The following KPNB1 variants were observed in gnomAD, a reference collection of about 807,000 sequenced individuals.
The protein encoded by KPNB1 is importin subunit beta-1.
Under a neutral mutation model 113.0 loss-of-function variants are expected in KPNB1, and 7 were observed. The observed-to-expected ratio is 0.06, with a 90% CI of 0.04 to 0.12. The LOEUF is 0.12. Ranked by LOEUF, KPNB1 falls within the 10% of genes least tolerant of loss-of-function variation. The pLI is 1.00. For synonymous variants in KPNB1, 363 were observed against 378.6 expected, an observed-to-expected ratio of 0.96 and a Z score of 0.48; for missense variants, 400 against 1,054.8, an observed-to-expected ratio of 0.38 and a Z score of 8.60.
Position 47,664,023 on chromosome 17 carries a change from A to G in KPNB1, c.787-136A>G, listed in dbSNP as rs186179188. On this transcript the variant is annotated intron_variant, in intron 7 of 21. Transcript: ENST00000290158. ...AAGAAAAGAAAATCTTTCTTTTCCT[A>G]TCTTTTCTTTCAAGCCTAGCTTCCT... 8.3e-4 allele frequency: 493 copies of G among 591,018 alleles called. 2 individuals carry two copies. In the African/African-American group the frequency reaches 8.9e-3, roughly 11 times the overall value. The allele number at this position is 591,018 out of a possible 1,614,324, so 36.6% of individuals were successfully genotyped here.
intron 19 of KPNB1, among the ~76,000 whole-genome samples, chr17:47,678,914 A>ATTTAT (rs1469638902): frequency 6.7e-6 from 1 of 148,862 alleles, no homozygotes; most frequent in Non-Finnish European, 1.5e-5. Context: ...AGCCTTTTAA[A>ATTTAT]TTTATTTTAT....
intron 10 of KPNB1, among the ~76,000 whole-genome samples, chr17:47,669,091 C>CTT (rs58910821): frequency 2.5e-4 from 37 of 147,922 alleles, no homozygotes; most frequent in South Asian, 2.1e-3. Context: ...CTGAGTAATT[C>CTT]TTTTTTTTTT....
chr17:47,663,300 G>A lies in KPNB1; in HGVS notation c.786+122G>A, dbSNP rs1046078927. Reference sequence around the variant, plus strand: ...TACTATGGAATCAAGGAAATTCCTCGAGACTGTTCGGTTTAAGCTCATCAG... The same window carrying A: ...TACTATGGAATCAAGGAAATTCCTCAAGACTGTTCGGTTTAAGCTCATCAG... On this transcript the variant is annotated intron_variant, in intron 7 of 21. Coordinates refer to ENST00000290158, the MANE Select transcript of KPNB1 (RefSeq NM_002265.6). The A allele has an allele frequency of 1.1e-4, 70 of 637,708 alleles. No homozygotes were observed. The Admixed American group carries it at 1.5e-3, about 13-fold the overall frequency. 39.5% of individuals were successfully genotyped at this position (637,708 alleles called of 1,614,324 possible).
At chr17:47,675,372 G>A (rs77142415) in intron 15 of KPNB1, among the ~76,000 whole-genome samples, 1 of 86,076 alleles carries the variant, frequency 1.2e-5, no homozygotes, top group Non-Finnish European at 2.2e-5. Context: ...TTTTTTTTTT[G>A]TTTTTTTTTT....
intron 5 of KPNB1, among the ~76,000 whole-genome samples, chr17:47,660,652 G>A (rs1455378498): frequency 6.6e-6 from 1 of 152,052 alleles, no homozygotes; most frequent in Non-Finnish European, 1.5e-5. Flanking sequence ...GATTTAGGAG[G>A]GTAGCACATA....
intron 2 of KPNB1, among the ~76,000 whole-genome samples, chr17:47,651,562 T>A (rs1318374236): frequency 6.6e-6 from 1 of 152,262 alleles, no homozygotes; most frequent in African/African-American, 2.4e-5. Context: ...AGAAGAGATT[T>A]TTCCACTAGT....
At chr17:47,670,674 A>T (rs909867370) in intron 11 of KPNB1, 28 bp from the exon 12 acceptor site, 1 of 1,582,370 alleles carries the variant, frequency 6.3e-7, no homozygotes, top group Non-Finnish European at 8.6e-7. Flanking sequence ...TTCTTTCAGG[A>T]TTAACATTGA....
Position 47,682,775 on chromosome 17 carries a change from G to A in KPNB1, c.*371G>A. 3.6e-6 allele frequency: 1 copy of A among 278,324 alleles called. No homozygotes were observed. Among genetic ancestry groups the A allele is most frequent in the Non-Finnish European group, 6.9e-6 (1 of 145,122 alleles). 17.2% of individuals were successfully genotyped at this position (278,324 alleles called of 1,614,324 possible). A position where few individuals can be genotyped will look rare whatever the true frequency, so the allele number is the denominator to read the frequency against. Reference sequence around the variant, plus strand: ...GCCGAGTGGAATGCCTGGTTTGGGGGAGGAGGAGGGACTGGGTTCAGCTGT... The same window carrying A: ...GCCGAGTGGAATGCCTGGTTTGGGGAAGGAGGAGGGACTGGGTTCAGCTGT... On this transcript the variant is annotated 3_prime_UTR_variant, in exon 22 of 22. Coordinates refer to ENST00000290158, the MANE Select transcript of KPNB1 (RefSeq NM_002265.6).
chr17:47,664,080 C>T, intron 7 of KPNB1, 79 bp from the exon 8 acceptor site: 1 of 761,258 alleles, frequency 1.3e-6, no homozygotes, highest in Non-Finnish European at 2.3e-6. Context: ...ATTTGCATGT[C>T]TGTGGTTAAA....
At chr17:47,666,420 G>GTGTT (rs983652300) in intron 9 of KPNB1, among the ~76,000 whole-genome samples, 1 of 118,138 alleles carries the variant, frequency 8.5e-6, no homozygotes, top group Admixed American at 8.6e-5. Context: ...GTGTGTGTGT[G>GTGTT]TATTTTATAT....
intron 16 of KPNB1, among the ~76,000 whole-genome samples, 180 bp from the exon 17 acceptor site, chr17:47,676,840 T>C (rs1044783260): frequency 6.9e-6 from 1 of 143,924 alleles, no homozygotes; most frequent in African/African-American, 2.6e-5. Context: ...ACTTTATCAG[T>C]GATCTCTCTC....
Position 47,677,009 on chromosome 17 carries a change from AT to A in KPNB1, c.1996-9del. ...TTTCTGTTAGAAGATTATTTCCTTGATTCTTGGCAGGTTTGTTTGGCAGCTG... is the reference window on the plus strand; with the variant it reads ...TTTCTGTTAGAAGATTATTTCCTTGATCTTGGCAGGTTTGTTTGGCAGCTG... On this transcript the variant is annotated splice_polypyrimidine_tract_variant and intron_variant, in intron 16 of 21. Coordinates refer to ENST00000290158, the MANE Select transcript of KPNB1 (RefSeq NM_002265.6). 1 of 1,609,398 alleles carries A rather than the reference AT, an allele frequency of 6.2e-7. No individual in the cohort carries two copies. The highest frequency in any genetic ancestry group is 8.5e-7 in the Non-Finnish European group (1 of 1,176,618).
In KPNB1 at chr17:47,670,910, T is replaced by C. The variant is rs115702441; in HGVS notation, c.1547+78T>C. The C allele has an allele frequency of 2.0e-4, 256 of 1,264,922 alleles. No homozygotes were observed. In the African/African-American group the frequency reaches 3.4e-3, roughly 17 times the overall value. 78.4% of individuals were successfully genotyped at this position (1,264,922 alleles called of 1,614,324 possible). A position where few individuals can be genotyped will look rare whatever the true frequency, so the allele number is the denominator to read the frequency against. ...CCTTCTGTGTGGAGGATATCTAGCTTAATCATAGAAGCATAATGAGACAGG... is the reference window on the plus strand; with the variant it reads ...CCTTCTGTGTGGAGGATATCTAGCTCAATCATAGAAGCATAATGAGACAGG... On this transcript the variant is annotated intron_variant, in intron 12 of 21. Coordinates refer to ENST00000290158, the MANE Select transcript of KPNB1 (RefSeq NM_002265.6).
rs147677268 is a variant in KPNB1 at position 47,678,151 on chromosome 17, A to C, written c.2209A>C (p.Asn737His). ...TAAAAAATACTTAGAGGTTGTATTG[A>C]ATACTCTTCAGCAGGCCTCCCAAGC... ...EFKKYLEVVL[N>H]TLQQASQAQV... Residue 737 changes from asparagine to histidine, a missense_variant, in exon 18 of 22, where the codon AAT becomes CAT. By Grantham distance (68) the Asn-to-His change is moderately conservative. Coordinates refer to ENST00000290158, the MANE Select transcript of KPNB1 (RefSeq NM_002265.6). 1.2e-6 allele frequency: 2 copies of C among 1,614,108 alleles called. No homozygotes were observed. Among genetic ancestry groups the C allele is most frequent in the Non-Finnish European group, 1.7e-6 (2 of 1,180,034 alleles).
rs1381103072 is a variant in KPNB1, at chr17:47,662,986, T to G, written c.697-103T>G. 5 of 755,530 alleles carry G rather than the reference T, an allele frequency of 6.6e-6. No individual in the cohort carries two copies. In the East Asian group the frequency reaches 1.2e-4, roughly 19 times the overall value. The allele number at this position is 755,530 out of a possible 1,614,324, so 46.8% of individuals were successfully genotyped here. On this transcript the variant is annotated intron_variant, in intron 6 of 21. Coordinates refer to ENST00000290158, the MANE Select transcript of KPNB1 (RefSeq NM_002265.6). ...GGGAAATGATAACGTATCCCATATT[T>G]ACCTCAATTAATCCTTAGGATTATT...
At chr17:47,652,976 A>G in intron 3 of KPNB1, 100 bp downstream of exon 3, 2 of 848,486 alleles carry the variant, frequency 2.4e-6, no homozygotes, top group Non-Finnish European at 3.5e-6. Flanking sequence ...ACAGTGTGAT[A>G]GGTTTCTGGG....
At chr17:47,674,542 T>C (rs941328501) in intron 14 of KPNB1, 96 bp from the exon 15 acceptor site, 8 of 1,249,296 alleles carry the variant, frequency 6.4e-6, no homozygotes, top group Non-Finnish European at 8.9e-6. Context: ...AATTAAAAAA[T>C]ATCAAGGGAC....
At position 47,684,470 on chromosome 17, in the gene KPNB1, T is replaced by C. The variant is rs2030884393; in HGVS notation, c.*2066T>C. The C allele has an allele frequency of 6.6e-6, 1 of 152,168 alleles. No homozygotes were observed. The highest frequency in any genetic ancestry group is 2.1e-4 in the South Asian group (1 of 4,816). 9.4% of individuals were successfully genotyped at this position (152,168 alleles called of 1,614,324 possible). A position where few individuals can be genotyped will look rare whatever the true frequency, so the allele number is the denominator to read the frequency against. ...CTCTAATGCCTTGTTTCCATTTCAG[T>C]TGTTCTTTGAGAGACAGAATGATGT... On this transcript the variant is annotated 3_prime_UTR_variant, in exon 22 of 22. Transcript: ENST00000290158.
At chr17:47,668,707 G>A (rs2030361936) in intron 10 of KPNB1, among the ~76,000 whole-genome samples, 1 of 152,136 alleles carries the variant, frequency 6.6e-6, no homozygotes, top group South Asian at 2.1e-4. Flanking sequence ...GTGCATGTGT[G>A]TGCAACAGGC....
Sources: gnomAD v4.1 joint callset for allele counts (sites outside exome capture counted in the v4.1 genomes callset) on GRCh38, gnomAD v4.1.1 for gene constraint, MANE v1.5 for transcripts, NCBI Gene and HGNC (gene_info 2026-07-23, HGNC 2026-07-21) for gene names.